Variants in PZP observed in about 807,000 individuals in gnomAD.
PZP encodes the protein pregnancy zone protein.
In PZP, 150 loss-of-function variants were observed where a neutral mutation model predicts 179.8. That is an observed-to-expected ratio of 0.83 (90% CI 0.73 to 0.96). The LOEUF is 0.96. Ranked by LOEUF, PZP falls within the 40% of genes least tolerant of loss-of-function variation. The pLI is 0.00. For missense variants in PZP, 1,689 were observed against 1,764.0 expected (o/e 0.96, Z 0.76); for synonymous variants, 624 against 652.3 (o/e 0.96, Z 0.66).
At chr12:9,175,856 G>A (rs1284647756) in intron 15 of PZP, among the ~76,000 whole-genome samples, 1 of 152,182 alleles carries the variant, frequency 6.6e-6, no homozygotes, top group Non-Finnish European at 1.5e-5. Context: ...TTTTACTGTT[G>A]TGGGGAGTGT....
rs974292853 is a variant in PZP at position 9,160,011 on chromosome 12, G to A, written c.3064C>T (p.Leu1022=). ...GAGCCATCTTGGTGTTTGTAGTTCA[G>A]CTGTCTCTGGTAACCTGAAATGGAA... The part of the protein sequence containing the change: ...GYLITGYQRQ[L]NYKHQDGSYS... Residue 1022 remains leucine (L), a synonymous_variant, in exon 25 of 36, where the codon CTG becomes TTG. Transcript: ENST00000261336. The A allele has an allele frequency of 6.2e-7, 1 of 1,613,590 alleles. No individual in the cohort carries two copies. The highest frequency in any genetic ancestry group is 1.3e-5 in the African/African-American group (1 of 74,872).
At chr12:9,160,586 T>G in intron 23 of PZP, 96 bp from the exon 24 acceptor site, 1 of 1,145,460 alleles carries the variant, frequency 8.7e-7, no homozygotes. Flanking sequence ...AGTCTATCAT[T>G]TAGGTAAGAG....
chr12:9,157,209 T>A lies in PZP; in HGVS notation c.3516A>T (p.Ile1172=), dbSNP rs781732358. ...CAGCTTCCTTATCAAGTGAGTTCAGTATTTCTCTATTCTGATTTTGCTTTC... is the reference window on the plus strand; with the variant it reads ...CAGCTTCCTTATCAAGTGAGTTCAGAATTTCTCTATTCTGATTTTGCTTTC... The part of the protein sequence containing the change: ...LLGKQNQNRE[I]LNSLDKEAVK... The change falls in exon 28 of 36, where the codon ATA becomes ATT. Residue 1172 remains isoleucine, a synonymous_variant. Coordinates refer to ENST00000261336, the MANE Select transcript of PZP (RefSeq NM_002864.3). The A allele has an allele frequency of 4.3e-6, 7 of 1,613,978 alleles. No individual in the cohort carries two copies. The African/African-American group carries it at 9.3e-5, about 22-fold the overall frequency.
intron 13 of PZP, among the ~76,000 whole-genome samples, chr12:9,183,975 C>T (rs780517219): frequency 6.6e-6 from 1 of 152,254 alleles, no homozygotes; most frequent in Admixed American, 6.5e-5. Flanking sequence ...AATAAGCTCC[C>T]CTTCTAAAAG....
intron 13 of PZP, 97 bp downstream of exon 13, chr12:9,192,096 G>A (rs1943487721): frequency 9.6e-7 from 1 of 1,037,028 alleles, no homozygotes; most frequent in Non-Finnish European, 1.5e-6. Flanking sequence ...TTATTGTGAA[G>A]GGATGATGGA....
chr12:9,192,497 T>C lies in PZP; in HGVS notation c.1482+15A>G, dbSNP rs151166975. The C allele has an allele frequency of 1.6e-3, 2,573 of 1,601,128 alleles. 6 individuals are homozygous for C. Among genetic ancestry groups the C allele is most frequent in the Middle Eastern group, 9.5e-3 (57 of 6,026 alleles). On this transcript the variant is annotated intron_variant, in intron 12 of 35. Transcript: ENST00000261336. ...ACTGATAAGCTGCAATTGTATTCCA[T>C]GGCCTCATTCTTACCAGGTAATGGA...
In PZP at chr12:9,201,011, G is replaced by C; in HGVS notation, c.551C>G (p.Ala184Gly). ...GGGAAAGGACAACTGATTGATGCCA[G>C]CTTCTAGCTTGAGACTCTGCCATTG... ...IAQWQSLKLE[A>G]GINQLSFPLS... The change falls in exon 6 of 36, where the codon GCT (alanine) becomes GGT (glycine). Residue 184 changes from alanine to glycine, a missense_variant. Physicochemically the swap from Ala to Gly is moderately conservative, Grantham distance 60. Transcript: ENST00000261336. 1 of 1,614,104 alleles carries C rather than the reference G, an allele frequency of 6.2e-7. No homozygotes were observed. Among genetic ancestry groups the C allele is most frequent in the Non-Finnish European group, 8.5e-7 (1 of 1,179,980 alleles).
intron 21 of PZP, among the ~76,000 whole-genome samples, 171 bp downstream of exon 21, chr12:9,163,497 A>T (rs1390273616): frequency 1.3e-5 from 2 of 152,030 alleles, no homozygotes; most frequent in African/African-American, 4.8e-5. Context: ...GTGAAAAAAA[A>T]TTTACAATAG....
chr12:9,205,653 G>C (rs1017778777), intron 1 of PZP, among the ~76,000 whole-genome samples: 15 of 152,134 alleles, frequency 9.9e-5, no homozygotes, highest in African/African-American at 3.6e-4. Context: ...TATCTGCAGG[G>C]TTAGGCCATT....
chr12:9,150,456 G>A (rs1366075348), intron 34 of PZP, among the ~76,000 whole-genome samples, 188 bp downstream of exon 34: 1 of 151,988 alleles, frequency 6.6e-6, no homozygotes, highest in Non-Finnish European at 1.5e-5. Context: ...CTAATTTTTT[G>A]TATTTTTAGT....
rs765688680 is a variant in PZP, at chr12:9,148,960, C to G, written c.*12G>C. The G allele has an allele frequency of 1.9e-6, 3 of 1,605,688 alleles. No individual in the cohort carries two copies. Among genetic ancestry groups the G allele is most frequent in the Non-Finnish European group, 2.6e-6 (3 of 1,172,618 alleles). The stretch of plus-strand genomic sequence containing the variant: ...ACAGAGAATCCACCAAAATATACAG[C>G]CTGTATGGTCCTCAAACATTTCCAT... On this transcript the variant is annotated 3_prime_UTR_variant, in exon 36 of 36. Coordinates refer to ENST00000261336, the MANE Select transcript of PZP (RefSeq NM_002864.3).
chr12:9,197,403 AT>A (rs1408499926), intron 7 of PZP, among the ~76,000 whole-genome samples: 2 of 141,770 alleles, frequency 1.4e-5, no homozygotes, highest in Admixed American at 1.5e-4. Flanking sequence ...TAATTATTAT[AT>A]TTTAATGTTT....
chr12:9,191,403 A>T (rs148975688), intron 13 of PZP, among the ~76,000 whole-genome samples: 1,729 of 152,204 alleles, frequency 0.011, 18 homozygotes, highest in South Asian at 0.03. Flanking sequence ...TGTTTAATTA[A>T]AATAATTATT....
At chr12:9,143,283 G>A in the PZP span, among the ~76,000 whole-genome samples, 5 of 152,126 alleles carry the variant, frequency 3.3e-5, no homozygotes, top group East Asian at 1.9e-4. Context: ...CAATACCTTC[G>A]ACCCTAGCCA....
chr12:9,197,849 A>C (rs1400317665), intron 7 of PZP, among the ~76,000 whole-genome samples: 1 of 115,964 alleles, frequency 8.6e-6, no homozygotes, highest in East Asian at 2.2e-4. Context: ...TATAATATAT[A>C]ATATTAATTA....
chr12:9,168,234 C>T (rs1941727502), intron 17 of PZP, among the ~76,000 whole-genome samples: 1 of 152,124 alleles, frequency 6.6e-6, no homozygotes, highest in Non-Finnish European at 1.5e-5. Context: ...ATGACACACC[C>T]ACTTCACATA....
chr12:9,180,995 G>C lies in PZP; in HGVS notation c.1827C>G (p.Leu609=). 6.2e-7 allele frequency: 1 copy of C among 1,613,720 alleles called. No individual in the cohort carries two copies. Among genetic ancestry groups the C allele is most frequent in the Non-Finnish European group, 8.5e-7 (1 of 1,179,828 alleles). Residue 609 remains leucine, a synonymous_variant, in exon 15 of 36, where the codon CTC becomes CTG. Transcript: ENST00000261336. ...ACTGGAAACTCACTGAGGACACAGA[G>C]AGCTCAGCCTCAGGCTTCATGAGCA... The part of the protein sequence containing the change: ...SVLLMKPEAE[L]SVSSVYNLLT...
rs762758068 is a variant in PZP, at chr12:9,154,619, G to T, written c.3771C>A (p.Thr1257=). ...AGACTCTTTGGGAACCACTGACCTG[G>T]GTGGAGGAGAAACCACCTTGGGCGT... is the stretch of plus-strand genomic sequence containing the variant. ...QQNAQGGFSS[T]QDTVVALHAL... is the part of the protein sequence containing the mutation. The change falls in exon 29 of 36, where the codon ACC becomes ACA. Residue 1257 remains threonine, a synonymous_variant. Transcript: ENST00000261336. 1 of 1,613,868 alleles carries T rather than the reference G, an allele frequency of 6.2e-7. No homozygotes were observed. Among genetic ancestry groups the T allele is most frequent in the Non-Finnish European group, 8.5e-7 (1 of 1,179,880 alleles).
At position 9,203,895 on chromosome 12, in the gene PZP, C is replaced by G. The variant is rs369358719; in HGVS notation, c.140G>C (p.Cys47Ser). The G allele has an allele frequency of 1.2e-6, 2 of 1,614,062 alleles. No individual in the cohort carries two copies. Among genetic ancestry groups the G allele is most frequent in the Admixed American group, 1.7e-5 (1 of 60,032 alleles). Residue 47 changes from cysteine (C) to serine (S), a missense_variant, in exon 2 of 36, where the codon TGT becomes TCT. By Grantham distance (112) the Cys-to-Ser change is moderately radical. Around this residue, in one of 3 missense-constraint regions of PZP, gnomAD observed 742 missense variants for 730.5 expected, o/e 1.02. Coordinates refer to ENST00000261336, the MANE Select transcript of PZP (RefSeq NM_002864.3). ...CTCATTCAGGTGGCTCAGAAGGACA[C>G]AGCCCTTCTTAGGGGCCTCAGTGTG... ...LLHTEAPKKG[C>S]VLLSHLNETV...
Sources: allele counts gnomAD v4.1 joint callset (sites outside exome capture counted in the v4.1 genomes callset), GRCh38; gene constraint gnomAD v4.1.1; regional missense constraint gnomAD v4.1.1; transcripts MANE v1.5; gene names NCBI Gene and HGNC (gene_info 2026-07-23, HGNC 2026-07-21).